The following MACROD1 variants were observed in gnomAD, a reference collection of about 807,000 sequenced individuals.
The protein encoded by MACROD1 is ADP-ribose glycohydrolase MACROD1.
A neutral mutation model predicts 41.4 loss-of-function variants in MACROD1; 31 were observed. The observed-to-expected ratio is 0.75, with a 90% confidence interval of 0.56 to 1.01. MACROD1 has a LOEUF of 1.01. Ranked by LOEUF, MACROD1 falls within the 50% of genes least tolerant of loss-of-function variation. The pLI is 0.00. For synonymous variants in MACROD1, 252 were observed against 203.4 expected, an observed-to-expected ratio of 1.24 and a Z score of -2.03; for missense variants, 473 against 460.0, an observed-to-expected ratio of 1.03 and a Z score of -0.26.
chr11:64,145,074 A>AG (rs550819749), intron 3 of MACROD1, among the ~76,000 whole-genome samples: 1 of 152,194 alleles, frequency 6.6e-6, no homozygotes, highest in South Asian at 2.1e-4. Context: ...AGGATGAGGC[A>AG]GGGGCTGCCG....
intron 3 of MACROD1, among the ~76,000 whole-genome samples, chr11:64,119,602 G>A (rs964792082): frequency 1.3e-5 from 2 of 151,868 alleles, no homozygotes; most frequent in African/African-American, 4.8e-5. Flanking sequence ...AAAAATTCTC[G>A]AAAAAGCCCT....
intron 3 of MACROD1, among the ~76,000 whole-genome samples, chr11:64,077,697 G>A (rs1944228467): frequency 6.6e-6 from 1 of 152,200 alleles, no homozygotes; most frequent in Non-Finnish European, 1.5e-5. Context: ...TTGTCTGGGA[G>A]CATCAGCATT....
intron 3 of MACROD1, among the ~76,000 whole-genome samples, chr11:64,088,025 T>C (rs1590889765): frequency 6.6e-6 from 1 of 152,080 alleles, no homozygotes; most frequent in Non-Finnish European, 1.5e-5. Context: ...ACCCCGGTGG[T>C]GGAGGCCCTG....
intron 3 of MACROD1, among the ~76,000 whole-genome samples, chr11:64,053,195 G>A (rs566909840): frequency 4.1e-4 from 63 of 152,316 alleles, no homozygotes; most frequent in Admixed American, 9.8e-4. Flanking sequence ...TGGGGTGGGC[G>A]TGCTGGGGAG....
chr11:64,004,821 G>A (rs1942883509), intron 4 of MACROD1, among the ~76,000 whole-genome samples: 1 of 152,050 alleles, frequency 6.6e-6, no homozygotes, highest in Non-Finnish European at 1.5e-5. Context: ...AGGCTGAGGT[G>A]GGAGGGTCAC....
rs961825528 is a variant in MACROD1 at position 64,067,291 on chromosome 11, G to A, written c.518-52010C>T. Among the ~76,000 whole-genome samples the A allele has an allele frequency of 2.0e-5, 3 of 152,120 alleles. No homozygotes were observed. The highest frequency in any genetic ancestry group is 4.4e-5 in the Non-Finnish European group (3 of 68,010). On this transcript the variant is annotated intron_variant, in intron 3 of 10. Coordinates refer to ENST00000255681, the MANE Select transcript of MACROD1 (RefSeq NM_014067.4). This position sits in a 1 kb window ranked among gnomAD's most constrained non-coding sequence, Gnocchi z 4.6. The stretch of plus-strand genomic sequence containing the variant: ...GGGAGGGAAGGAGCATCATTAACAC[G>A]ACATGGCCTCCTCCCCACTGCTCAG...
chr11:64,123,137 C>A (rs928973630), intron 3 of MACROD1, among the ~76,000 whole-genome samples: 3 of 152,164 alleles, frequency 2.0e-5, no homozygotes, highest in East Asian at 3.9e-4. Context: ...AGGGGCCGGG[C>A]GCAGGGACCT....
At chr11:64,020,518 T>C (rs986458633) in intron 3 of MACROD1, among the ~76,000 whole-genome samples, 1 of 151,762 alleles carries the variant, frequency 6.6e-6, no homozygotes, top group Non-Finnish European at 1.5e-5. Context: ...CTCCTCCCCT[T>C]CTCCTCTCCC....
intron 4 of MACROD1, among the ~76,000 whole-genome samples, chr11:64,014,163 G>A (rs1943050198): frequency 6.7e-6 from 1 of 150,278 alleles, no homozygotes; most frequent in African/African-American, 2.4e-5. Flanking sequence ...TGCTGTGGGT[G>A]GGACATGCAG....
At chr11:63,999,914 C>A in intron 5 of MACROD1, 151 bp from the exon 6 acceptor site, 1 of 920,202 alleles carries the variant, frequency 1.1e-6, no homozygotes, top group Non-Finnish European at 1.6e-6. Context: ...CCTGTGGGCC[C>A]CCTCGAGCCC....
At chr11:64,131,365 G>A (rs1183021949) in intron 3 of MACROD1, among the ~76,000 whole-genome samples, 2 of 151,304 alleles carry the variant, frequency 1.3e-5, no homozygotes, top group African/African-American at 2.4e-5. Context: ...ATGGAGTCTC[G>A]CTCTGTCACC....
chr11:64,026,305 G>C (rs1355146692), intron 3 of MACROD1, among the ~76,000 whole-genome samples: 1 of 152,166 alleles, frequency 6.6e-6, no homozygotes, highest in Non-Finnish European at 1.5e-5. Flanking sequence ...GATTACAGGT[G>C]TGAGCCACTG....
intron 3 of MACROD1, among the ~76,000 whole-genome samples, chr11:64,066,294 CAAAAA>C (rs59963244): frequency 5.9e-5 from 3 of 50,936 alleles, no homozygotes; most frequent in Admixed American, 2.1e-4. Flanking sequence ...GAGACTGTCT[CAAAAA>C]AAAAAAAAAA....
intron 3 of MACROD1, among the ~76,000 whole-genome samples, chr11:64,065,850 G>C (rs1014441390): frequency 1.3e-5 from 2 of 151,716 alleles, no homozygotes; most frequent in Non-Finnish European, 2.9e-5. Context: ...TGCACAGGCA[G>C]GCAGGTGGGA....
intron 3 of MACROD1, among the ~76,000 whole-genome samples, chr11:64,073,058 G>A (rs957852932): frequency 1.4e-4 from 22 of 152,154 alleles, no homozygotes; most frequent in African/African-American, 5.3e-4. Context: ...AGCTCCTGAC[G>A]GCACAGAGCC....
rs373199400 is a variant in MACROD1 at position 64,144,653 on chromosome 11, G to A, written c.517+6586C>T. Reference sequence around the variant, plus strand: ...CCCACCTGCGCTTGGCTTCCCCGAGGAGGAGGGAGCCCAGGGCCAGGCCCA... The same window carrying A: ...CCCACCTGCGCTTGGCTTCCCCGAGAAGGAGGGAGCCCAGGGCCAGGCCCA... On this transcript the variant is annotated intron_variant, in intron 3 of 10. Coordinates refer to ENST00000255681, the MANE Select transcript of MACROD1 (RefSeq NM_014067.4). Among the ~76,000 whole-genome samples the A allele has an allele frequency of 5.3e-5, 8 of 152,220 alleles. No homozygotes were observed. The East Asian group carries it at 1.4e-3, about 26-fold the overall frequency.
intron 3 of MACROD1, among the ~76,000 whole-genome samples, chr11:64,078,377 CAG>C (rs1221444497): frequency 6.6e-6 from 1 of 152,352 alleles, no homozygotes; most frequent in Admixed American, 6.5e-5. Context: ...CAGCTGCTCT[CAG>C]GGGGCTGAAC....
At chr11:64,134,799 ACC>A (rs1945310647) in intron 3 of MACROD1, among the ~76,000 whole-genome samples, 1 of 152,124 alleles carries the variant, frequency 6.6e-6, no homozygotes, top group Non-Finnish European at 1.5e-5. Flanking sequence ...TTTTTCTCCT[ACC>A]GGGAATTGCC....
chr11:64,011,827 G>A (rs1943020630), intron 4 of MACROD1, among the ~76,000 whole-genome samples: 1 of 152,050 alleles, frequency 6.6e-6, no homozygotes, highest in East Asian at 1.9e-4. Flanking sequence ...GGGAAGATGG[G>A]TGTGTCTGGG....
Sources: allele counts gnomAD v4.1 joint callset (sites outside exome capture counted in the v4.1 genomes callset), GRCh38; gene constraint gnomAD v4.1.1; non-coding constraint Gnocchi (gnomAD v3.1); transcripts MANE v1.5; gene names NCBI Gene and HGNC (gene_info 2026-07-23, HGNC 2026-07-21).